Variants in AHNAK observed in about 807,000 individuals in gnomAD.
The protein encoded by AHNAK is AHNAK nucleoprotein, also known as neuroblast differentiation-associated protein AHNAK.
AHNAK carries 23 observed loss-of-function variants against 37.8 expected under a neutral mutation model. That is an observed-to-expected ratio of 0.61 (90% confidence interval 0.44 to 0.86). The LOEUF (loss-of-function observed/expected upper bound fraction) is 0.86. Ranked by LOEUF, AHNAK falls within the 40% of genes least tolerant of loss-of-function variation. The pLI, the probability that AHNAK is intolerant of heterozygous loss-of-function variation, is 0.00. For synonymous variants in AHNAK, 2,481 were observed against 2,636.3 expected, an observed-to-expected ratio of 0.94 and a Z score of 1.80; for missense variants, 7,411 against 7,319.4, an observed-to-expected ratio of 1.01 and a Z score of -0.46.
intron 5 of AHNAK, among the ~76,000 whole-genome samples, chr11:62,460,673 T>TGG (rs1419566621): frequency 1.3e-4 from 20 of 152,254 alleles, no homozygotes; most frequent in African/African-American, 4.8e-4. Flanking sequence ...GCCGTGAGTT[T>TGG]TGGAAAGCAG....
At position 62,520,823 on chromosome 11, in the gene AHNAK, T is replaced by C. The variant is rs2134200692; in HGVS notation, c.13594A>G (p.Lys4532Glu). 1 of 1,614,206 alleles carries C rather than the reference T, an allele frequency of 6.2e-7. No homozygotes were observed. The highest frequency in any genetic ancestry group is 8.5e-7 in the Non-Finnish European group (1 of 1,180,030). Residue 4532 changes from lysine to glutamate, a missense_variant, in exon 5 of 5, where the codon AAG (lysine) becomes GAG (glutamate). By Grantham distance (56) the Lys-to-Glu change is moderately conservative. Coordinates refer to ENST00000378024, the MANE Select transcript of AHNAK (RefSeq NM_001620.3). The part of the protein sequence containing the change: ...SDIDLNLKGP[K>E]IKGDMDISVP... ...GAAATGTCCATATCTCCTTTTATCT[T>C]AGGTCCTTTCAAATTCAAATCAATG... is the stretch of plus-strand genomic sequence containing the variant.
At chr11:62,504,929 G>T (rs796385210) in intron 4 of AHNAK, among the ~76,000 whole-genome samples, 13 of 152,294 alleles carry the variant, frequency 8.5e-5, no homozygotes, top group African/African-American at 2.9e-4. Flanking sequence ...AACCACGTGA[G>T]AGACCCATCC....
rs759930464 is a variant in AHNAK at position 62,524,437 on chromosome 11, A to G, written c.9980T>C (p.Leu3327Ser). The change falls in exon 5 of 5, where the codon TTG becomes TCG. Residue 3327 changes from leucine to serine, a missense_variant. By Grantham distance (145) the Leu-to-Ser change is moderately radical. Transcript: ENST00000378024. ...KLEGDIKAPS[L>S]DIKGPEVDVS... is the part of the protein sequence containing the mutation. ...GTCCACTTCTGGGCCCTTTATATCCAAACTGGGAGCTTTAATGTCACCTTC... is the reference window on the plus strand; with the variant it reads ...GTCCACTTCTGGGCCCTTTATATCCGAACTGGGAGCTTTAATGTCACCTTC... The G allele has an allele frequency of 3.1e-6, 5 of 1,613,924 alleles. No homozygotes were observed. The Admixed American group carries it at 6.7e-5, about 22-fold the overall frequency.
chr11:62,454,848 C>A (rs1011737576), intron 5 of AHNAK, among the ~76,000 whole-genome samples: 1 of 152,072 alleles, frequency 6.6e-6, no homozygotes, highest in Admixed American at 6.6e-5. Flanking sequence ...CCTCCTCAAA[C>A]GGCTCCAAGA....
chr11:62,521,675 G>C lies in AHNAK; in HGVS notation c.12742C>G (p.Pro4248Ala), dbSNP rs1192482083. The C allele has an allele frequency of 1.2e-6, 2 of 1,613,934 alleles. No homozygotes were observed. Among genetic ancestry groups the C allele is most frequent in the Non-Finnish European group, 1.7e-6 (2 of 1,179,978 alleles). ...TTGGGGGCTTTGATGTTCATCTCAG[G>C]CATCTTGAATTTAGGGCCCTTTAGT... ...AKLKGPKFKM[P>A]EMNIKAPKIS... Residue 4248 changes from proline (P) to alanine (A), a missense_variant, in exon 5 of 5, where the codon CCT (proline) becomes GCT (alanine). Pro to Ala is a conservative substitution (Grantham distance 27). Coordinates refer to ENST00000378024, the MANE Select transcript of AHNAK (RefSeq NM_001620.3).
chr11:62,502,401 C>CTT (rs1590633748), intron 4 of AHNAK, among the ~76,000 whole-genome samples: 2 of 152,246 alleles, frequency 1.3e-5, no homozygotes, highest in East Asian at 3.9e-4. Context: ...TAAGTACAGG[C>CTT]TAAAACCTGA....
intron 5 of AHNAK, among the ~76,000 whole-genome samples, chr11:62,485,184 A>G (rs1939365340): frequency 6.6e-6 from 1 of 152,082 alleles, no homozygotes; most frequent in Non-Finnish European, 1.5e-5. Flanking sequence ...GGATCGTTTG[A>G]GCCTAGGAAT....
downstream of AHNAK, among the ~76,000 whole-genome samples, chr11:62,515,299 A>G (rs1194879742): frequency 6.6e-6 from 1 of 152,198 alleles, no homozygotes; most frequent in Non-Finnish European, 1.5e-5. Flanking sequence ...CGGGTGGATC[A>G]CTGGAGGTCA....
chr11:62,537,767 C>A (rs1294722181), intron 1 of AHNAK, among the ~76,000 whole-genome samples: 1 of 151,954 alleles, frequency 6.6e-6, no homozygotes, highest in Non-Finnish European at 1.5e-5. Context: ...ACTGCAACCT[C>A]CCCCTCCCAG....
chr11:62,467,881 C>T (rs1938947314), intron 5 of AHNAK, among the ~76,000 whole-genome samples: 1 of 152,174 alleles, frequency 6.6e-6, no homozygotes, highest in South Asian at 2.1e-4. Flanking sequence ...CAAATGGCTG[C>T]ATATCATTCA....
chr11:62,524,364 A>C lies in AHNAK; in HGVS notation c.10053T>G (p.Arg3351=), dbSNP rs373448491. Residue 3351 remains arginine (R), a synonymous_variant, in exon 5 of 5, where the codon CGT becomes CGG. Transcript: ENST00000378024. ...AAAAATTAAATTTGGGAAGCTTAAA[A>C]CGAGATTTCTTTGACTTGCCTTCGA... The part of the protein sequence containing the change: ...LNIEGKSKKS[R]FKLPKFNFSG... The C allele has an allele frequency of 8.7e-6, 14 of 1,613,082 alleles. 1 individual carries two copies. Among genetic ancestry groups the C allele is most frequent in the South Asian group, 1.1e-5 (1 of 90,746 alleles).
Position 62,531,533 on chromosome 11 carries a change from C to T in AHNAK, c.2884G>A (p.Gly962Arg), listed in dbSNP as rs1461051250. Residue 962 changes from glycine (G) to arginine (R), a missense_variant, in exon 5 of 5, where the codon GGA becomes AGA. Physicochemically the swap from Gly to Arg is moderately radical, Grantham distance 125. Coordinates refer to ENST00000378024, the MANE Select transcript of AHNAK (RefSeq NM_001620.3). ...DLHMKGPKVKGEYDMTVPKLE... is the reference protein window; with the variant it reads ...DLHMKGPKVKREYDMTVPKLE... Reference sequence around the variant, plus strand: ...TTTGGCACTGTCATATCATATTCTCCCTTTACTTTAGGACCTTTCATATGC... The same window carrying T: ...TTTGGCACTGTCATATCATATTCTCTCTTTACTTTAGGACCTTTCATATGC... 3 of 1,614,082 alleles carry T rather than the reference C, an allele frequency of 1.9e-6. No homozygotes were observed. The highest frequency in any genetic ancestry group is 1.3e-5 in the African/African-American group (1 of 74,926).
intron 5 of AHNAK, among the ~76,000 whole-genome samples, chr11:62,491,067 A>G (rs1939497740): frequency 6.6e-6 from 1 of 152,144 alleles, no homozygotes; most frequent in Non-Finnish European, 1.5e-5. Context: ...GATTACAACC[A>G]TGAGCCACCA....
At chr11:62,515,767 C>T (rs1178232672), downstream of AHNAK, 6 of 540,926 alleles carry the variant, frequency 1.1e-5, no homozygotes, top group Non-Finnish European at 1.4e-5. Flanking sequence ...CACTACCTCC[C>T]GAAGGTCACT....
chr11:62,472,923 C>G (rs975125233), intron 5 of AHNAK, among the ~76,000 whole-genome samples: 1 of 150,802 alleles, frequency 6.6e-6, no homozygotes, highest in Non-Finnish European at 1.5e-5. Flanking sequence ...CTTGTCTCTA[C>G]TAAAAATACA....
chr11:62,514,686 A>G (rs1257915905), downstream of AHNAK, among the ~76,000 whole-genome samples: 1 of 152,174 alleles, frequency 6.6e-6, no homozygotes, highest in Non-Finnish European at 1.5e-5. Flanking sequence ...GATGAAACTG[A>G]GCCTCAAGCA....
chr11:62,447,757 C>T lies in AHNAK; in HGVS notation c.443-13866G>A, dbSNP rs145211760. 5.3e-5 allele frequency among the ~76,000 whole-genome samples: 8 copies of T among 152,214 alleles called. No individual in the cohort carries two copies. The East Asian group carries it at 7.7e-4, about 15-fold the overall frequency. On this transcript the variant is annotated intron_variant, in intron 5 of 5. Transcript: ENST00000257247. The stretch of plus-strand genomic sequence containing the variant: ...CAGTGTTCTCCTGGCCCTCTGCCCC[C>T]GTGGACCTCTGAAGTTCATGCCCTC...
intron 4 of AHNAK, among the ~76,000 whole-genome samples, chr11:62,499,226 G>T (rs935948487): frequency 1.3e-5 from 2 of 152,164 alleles, no homozygotes; most frequent in Non-Finnish European, 2.9e-5. Flanking sequence ...CATAGCATCC[G>T]ACTGGCCTCT....
downstream of AHNAK, among the ~76,000 whole-genome samples, chr11:62,515,087 T>C (rs755916170): frequency 6.6e-6 from 1 of 152,070 alleles, no homozygotes; most frequent in Non-Finnish European, 1.5e-5. Context: ...TAGGAGCCAG[T>C]GACTAGAACC....
Sources: gnomAD v4.1 joint callset for allele counts (sites outside exome capture counted in the v4.1 genomes callset) on GRCh38, gnomAD v4.1.1 for gene constraint, MANE v1.5 for transcripts, NCBI Gene and HGNC (gene_info 2026-07-23, HGNC 2026-07-21) for gene names.